Variants in ATXN7L1 observed in about 807,000 individuals in gnomAD.
ATXN7L1 encodes the protein ataxin 7 like 1.
ATXN7L1 carries 15 observed loss-of-function variants against 70.8 expected under a neutral mutation model. The observed-to-expected ratio is 0.21, with a 90% CI of 0.14 to 0.33. The LOEUF (loss-of-function observed/expected upper bound fraction) is 0.33, where lower values mean the gene tolerates loss of function less well. Ranked by LOEUF, ATXN7L1 falls within the 10% of genes least tolerant of loss-of-function variation. The pLI, the probability that ATXN7L1 is intolerant of heterozygous loss-of-function variation, is 1.00. For synonymous variants in ATXN7L1, 440 were observed against 445.1 expected, an observed-to-expected ratio of 0.99 and a Z score of 0.14; for missense variants, 975 against 1,097.1, an observed-to-expected ratio of 0.89 and a Z score of 1.57.
chr7:105,867,033 A>G (rs191980578), intron 2 of ATXN7L1, among the ~76,000 whole-genome samples: 1 of 152,314 alleles, frequency 6.6e-6, no homozygotes, highest in Admixed American at 6.5e-5. Context: ...GGAAAACCAT[A>G]CAGAAACAAA....
rs1281442068 is a variant in ATXN7L1 at position 105,727,781 on chromosome 7, C to CACAT, written c.355+60822_355+60823insATGT. On this transcript the variant is annotated intron_variant, in intron 3 of 11. Coordinates refer to ENST00000419735, the MANE Select transcript of ATXN7L1 (RefSeq NM_020725.2). The stretch of plus-strand genomic sequence containing the variant: ...ATATATATATATATATATATATACA[C>CACAT]ACACATACACACATATATATATGTA... Among the ~76,000 whole-genome samples the CACAT allele has an allele frequency of 7.5e-4, 37 of 49,624 alleles. 2 individuals carry two copies. The highest frequency in any genetic ancestry group is 6.3e-3 in the East Asian group (5 of 794). 32.6% of individuals were successfully genotyped at this position (49,624 alleles called of 152,430 possible).
In ATXN7L1 at chr7:105,614,310, T is replaced by C. The variant is rs746782761; in HGVS notation, c.2024A>G (p.Lys675Arg). 3 of 1,552,118 alleles carry C rather than the reference T, an allele frequency of 1.9e-6. No individual in the cohort carries two copies. The highest frequency in any genetic ancestry group is 3.9e-5 in the Admixed American group (2 of 50,998). ...ACTGGCATTCAAAACACAGTTCTTTTTGTGAGGCCCTGACAGTGGAGACGA... is the reference window on the plus strand; with the variant it reads ...ACTGGCATTCAAAACACAGTTCTTTCTGTGAGGCCCTGACAGTGGAGACGA... ...SLSSPLSGPHKKNCVLNASSA... is the reference protein window; with the variant it reads ...SLSSPLSGPHRKNCVLNASSA... Residue 675 changes from lysine to arginine, a missense_variant, in exon 10 of 12, where the codon AAA becomes AGA. By Grantham distance (26) the Lys-to-Arg change is conservative. This residue lies in a region of ATXN7L1 where 635 missense variants were observed against 699.4 expected (regional missense o/e 0.91). Coordinates refer to ENST00000419735, the MANE Select transcript of ATXN7L1 (RefSeq NM_020725.2). This position sits in a 1 kb window ranked among gnomAD's most constrained non-coding sequence, Gnocchi z 4.3.
At chr7:105,813,994 T>G (rs1808824930) in intron 2 of ATXN7L1, among the ~76,000 whole-genome samples, 1 of 152,160 alleles carries the variant, frequency 6.6e-6, no homozygotes, top group South Asian at 2.1e-4. Context: ...CTAGCCTCAA[T>G]CCTTTCTTCC....
At chr7:105,769,925 G>A (rs957846465) in intron 3 of ATXN7L1, among the ~76,000 whole-genome samples, 1 of 152,120 alleles carries the variant, frequency 6.6e-6, no homozygotes, top group African/African-American at 2.4e-5. Context: ...TGCCAGTGGC[G>A]TTCTGCCACC....
intron 2 of ATXN7L1, among the ~76,000 whole-genome samples, chr7:105,808,455 G>A (rs1807930476): frequency 6.6e-6 from 1 of 152,144 alleles, no homozygotes; most frequent in African/African-American, 2.4e-5. Context: ...CTGATCAGTG[G>A]CACTTTGATA....
intron 2 of ATXN7L1, among the ~76,000 whole-genome samples, chr7:105,867,586 C>G (rs1047215289): frequency 6.6e-6 from 1 of 152,140 alleles, no homozygotes; most frequent in Non-Finnish European, 1.5e-5. Flanking sequence ...CCTGGGGGAC[C>G]GAGGCTTCTC....
chr7:105,715,021 T>A (rs1238027067), intron 3 of ATXN7L1, among the ~76,000 whole-genome samples: 1 of 152,100 alleles, frequency 6.6e-6, no homozygotes, highest in Non-Finnish European at 1.5e-5. Context: ...TTCTTGAGGG[T>A]GCGTGTGTGG....
intron 3 of ATXN7L1, among the ~76,000 whole-genome samples, chr7:105,681,374 G>A (rs1274539153): frequency 6.6e-6 from 1 of 152,206 alleles, no homozygotes; most frequent in Non-Finnish European, 1.5e-5. Flanking sequence ...CACCCACTGG[G>A]ATAGCTGTTA....
intron 7 of ATXN7L1, among the ~76,000 whole-genome samples, chr7:105,626,320 G>C (rs1795688220): frequency 6.6e-6 from 1 of 152,198 alleles, no homozygotes; most frequent in East Asian, 1.9e-4. Context: ...GAGATACCTA[G>C]ACAGAAAGTA....
intron 3 of ATXN7L1, among the ~76,000 whole-genome samples, chr7:105,716,665 G>GCACACACACACACA (rs58217531): frequency 7.2e-5 from 9 of 125,524 alleles, no homozygotes; most frequent in Non-Finnish European, 1.0e-4. Flanking sequence ...ACCTATCTCT[G>GCACACACACACACA]CACACACACA....
chr7:105,733,614 CCATCCATCCATCCATCCACCCAT>C (rs1796920873), intron 3 of ATXN7L1, among the ~76,000 whole-genome samples: 1 of 138,770 alleles, frequency 7.2e-6, no homozygotes, highest in Non-Finnish European at 1.6e-5. Flanking sequence ...ACCCATCCAT[CCATCCATCCATCCATCCACCCAT>C]CCATCCATCC....
Position 105,643,140 on chromosome 7 carries a change from A to C in ATXN7L1, c.579-19T>G, listed in dbSNP as rs1798501327. On this transcript the variant is annotated intron_variant, in intron 4 of 11. Transcript: ENST00000419735. ...TGGAACACTGAAAAATAAATGAACA[A>C]ACACACACAATTGTCTTCTTTGATA... The C allele has an allele frequency of 4.0e-6, 6 of 1,492,148 alleles. No homozygotes were observed. The highest frequency in any genetic ancestry group is 5.4e-6 in the Non-Finnish European group (6 of 1,116,876). 92.4% of individuals were successfully genotyped at this position (1,492,148 alleles called of 1,614,324 possible).
At chr7:105,727,767 T>TATATATATATATATATG (rs34755557) in intron 3 of ATXN7L1, among the ~76,000 whole-genome samples, 1 of 100,300 alleles carries the variant, frequency 1.0e-5, no homozygotes, top group Admixed American at 1.2e-4. Flanking sequence ...TATATATATA[T>TATATATATATATATATG]ATATATATAT....
chr7:105,800,827 T>C (rs1447215051), intron 2 of ATXN7L1, among the ~76,000 whole-genome samples: 1 of 152,240 alleles, frequency 6.6e-6, no homozygotes, highest in Non-Finnish European at 1.5e-5. Flanking sequence ...TGAGATAACT[T>C]ATGCCAGTGA....
chr7:105,633,453 C>T (rs1364597890), intron 7 of ATXN7L1, among the ~76,000 whole-genome samples: 1 of 152,116 alleles, frequency 6.6e-6, no homozygotes, highest in Non-Finnish European at 1.5e-5. Context: ...TGCGGTGGCT[C>T]ACGCCTGTAA....
At chr7:105,852,089 T>G (rs773164981) in intron 2 of ATXN7L1, among the ~76,000 whole-genome samples, 49 of 152,198 alleles carry the variant, frequency 3.2e-4, no homozygotes, top group Non-Finnish European at 5.6e-4. Context: ...CCTCCCTCTG[T>G]GAAGTTCCAT....
chr7:105,858,082 T>C (rs758567218), intron 2 of ATXN7L1, among the ~76,000 whole-genome samples: 9 of 151,546 alleles, frequency 5.9e-5, no homozygotes, highest in Non-Finnish European at 1.2e-4. Context: ...AAATAAAAAG[T>C]TGGTGTGGTG....
chr7:105,804,810 T>TAAGCTATTGGCTCC lies in ATXN7L1; in HGVS notation c.251-16116_251-16103dup, dbSNP rs1259140701. On this transcript the variant is annotated intron_variant, in intron 2 of 11. Coordinates refer to ENST00000419735, the MANE Select transcript of ATXN7L1 (RefSeq NM_020725.2). Reference sequence around the variant, plus strand: ...TAAGGAAATAGAAGCTCAAAGAGGTTAAGCTATTGGCTCCCAGTCTCACAG... The same window carrying TAAGCTATTGGCTCC: ...TAAGGAAATAGAAGCTCAAAGAGGTTAAGCTATTGGCTCCAAGCTATTGGCTCCCAGTCTCACAG... Among the ~76,000 whole-genome samples, 13 of 152,190 alleles carry TAAGCTATTGGCTCC rather than the reference T, an allele frequency of 8.5e-5. No homozygotes were observed. In the East Asian group the frequency reaches 1.9e-3, roughly 23 times the overall value.
At chr7:105,649,036 C>A (rs1799481780) in intron 4 of ATXN7L1, among the ~76,000 whole-genome samples, 1 of 150,446 alleles carries the variant, frequency 6.6e-6, no homozygotes, top group African/African-American at 2.5e-5. Context: ...CTGGCAGTTA[C>A]CCCCGAGCTT....
Sources: gnomAD v4.1 joint callset for allele counts (sites outside exome capture counted in the v4.1 genomes callset) on GRCh38, gnomAD v4.1.1 for gene constraint, gnomAD v4.1.1 regional missense constraint, Gnocchi (gnomAD v3.1) non-coding constraint, MANE v1.5 for transcripts, NCBI Gene and HGNC (gene_info 2026-07-23, HGNC 2026-07-21) for gene names.